Variants in NDC80 observed in about 807,000 individuals in gnomAD.
The protein encoded by NDC80 is NDC80 kinetochore complex component.
NDC80 carries 69 observed loss-of-function variants against 89.3 expected under a neutral mutation model. The observed-to-expected ratio is 0.77, with a 90% CI of 0.64 to 0.94. The LOEUF (loss-of-function observed/expected upper bound fraction) is 0.94. NDC80 is among the 40% of genes least tolerant of loss of function. The pLI is 0.00. For synonymous variants in NDC80, 243 were observed against 255.6 expected (o/e 0.95, Z 0.47); for missense variants, 593 against 739.6 (o/e 0.80, Z 2.30).
chr18:2,579,033 T>C lies in NDC80; in HGVS notation c.579+4T>C. 1 of 1,499,428 alleles carries C rather than the reference T, an allele frequency of 6.7e-7. No homozygotes were observed. The highest frequency in any genetic ancestry group is 1.3e-5 in the South Asian group (1 of 74,368). The allele number at this position is 1,499,428 out of a possible 1,614,324, so 92.9% of individuals were successfully genotyped here. ...TTGGCTAATAGACTGCATCAAGGTA[T>C]TTGATTTGTTCTTTTGAAATGTATA... On this transcript the variant is annotated splice_donor_region_variant and intron_variant, in intron 6 of 16. Coordinates refer to ENST00000261597, the MANE Select transcript of NDC80 (RefSeq NM_006101.3).
In NDC80 at chr18:2,616,527, GA is replaced by G. The variant is rs2072784537; in HGVS notation, c.1883del (p.Asp628ValfsTer9). 1 of 1,488,596 alleles carries G rather than the reference GA, an allele frequency of 6.7e-7. No individual in the cohort carries two copies. The highest frequency in any genetic ancestry group is 2.3e-5 in the East Asian group (1 of 42,772). The allele number at this position is 1,488,596 out of a possible 1,614,324, so 92.2% of individuals were successfully genotyped here. A position where few individuals can be genotyped will look rare whatever the true frequency, so the allele number is the denominator to read the frequency against. ...DLSENIKEIR[D>X]KYEKKATLIK... ...CTCGGAAAATATTAAAGAGATTAGA[GA>G]TAAGTATGAGAAGAAAGCTACTCTA... is the stretch of plus-strand genomic sequence containing the variant. On this transcript the variant is annotated frameshift_variant, in exon 17 of 17. Coordinates refer to ENST00000261597, the MANE Select transcript of NDC80 (RefSeq NM_006101.3). LOFTEE classifies it high-confidence loss of function.
chr18:2,616,165 C>T (rs2072782747), intron 16 of NDC80, among the ~76,000 whole-genome samples: 1 of 152,034 alleles, frequency 6.6e-6, no homozygotes, highest in African/African-American at 2.4e-5. Flanking sequence ...GTTGGAATTA[C>T]AGGCACACAC....
Position 2,614,554 on chromosome 18 carries a change from A to C in NDC80, c.1792-1883A>C, listed in dbSNP as rs1393384392. 4.1e-4 allele frequency: 2 copies of C among 4,916 alleles called. 1 individual carries two copies. The highest frequency in any genetic ancestry group is 6.4e-4 in the Non-Finnish European group (2 of 3,130). 0.3% of individuals were successfully genotyped at this position (4,916 alleles called of 1,614,324 possible). A position where few individuals can be genotyped will look rare whatever the true frequency, so the allele number is the denominator to read the frequency against. On this transcript the variant is annotated intron_variant, in intron 16 of 16. Transcript: ENST00000261597. The stretch of plus-strand genomic sequence containing the variant: ...AAGGAAGGAAGGAAGGAAGGAAGGA[A>C]GGAAGGAAGGGAAAGAAAGAAAGAA...
chr18:2,589,930 A>C (rs8097280), intron 9 of NDC80, 88 bp from the exon 10 acceptor site: 40,118 of 959,462 alleles, frequency 0.042, 1,280 homozygotes, highest in African/African-American at 0.14. Context: ...CTTTCTCTAA[A>C]ATAAATTTAA....
chr18:2,588,145 G>A (rs1598366958), intron 8 of NDC80, among the ~76,000 whole-genome samples: 2 of 152,100 alleles, frequency 1.3e-5, no homozygotes, highest in Admixed American at 6.5e-5. Flanking sequence ...TACTGTCTGT[G>A]GCGCCTTAAT....
chr18:2,610,478 A>G (rs1416457121), intron 15 of NDC80, among the ~76,000 whole-genome samples: 1 of 152,210 alleles, frequency 6.6e-6, no homozygotes, highest in African/African-American at 2.4e-5. Context: ...ATTTGAGTTT[A>G]CAATCCCTTT....
At chr18:2,597,655 C>T (rs940106153) in intron 11 of NDC80, among the ~76,000 whole-genome samples, 2 of 151,834 alleles carry the variant, frequency 1.3e-5, no homozygotes, top group Admixed American at 6.6e-5. Context: ...CGCTTGAACC[C>T]GGAGGCGGAA....
chr18:2,577,215 CTTTT>C (rs11326622), intron 3 of NDC80: 4 of 120,616 alleles, frequency 3.3e-5, no homozygotes, highest in Non-Finnish European at 5.3e-5. Context: ...ACTGTCTGCG[CTTTT>C]TTTTTTTTTT....
In NDC80 at chr18:2,599,186, C is replaced by A; in HGVS notation, c.1374+15C>A. 1 of 1,589,470 alleles carries A rather than the reference C, an allele frequency of 6.3e-7. No individual in the cohort carries two copies. Among genetic ancestry groups the A allele is most frequent in the South Asian group, 1.2e-5 (1 of 86,548 alleles). On this transcript the variant is annotated intron_variant, in intron 12 of 16. Coordinates refer to ENST00000261597, the MANE Select transcript of NDC80 (RefSeq NM_006101.3). ...CTCAAGTTTATGTAAGTAATCATGA[C>A]TACTTTTAAGATTTTTTTAATTCTG...
At chr18:2,597,803 G>A (rs536714699) in intron 11 of NDC80, among the ~76,000 whole-genome samples, 2 of 152,268 alleles carry the variant, frequency 1.3e-5, no homozygotes, top group African/African-American at 2.4e-5. Flanking sequence ...TAGAGGTAGA[G>A]CGAATGAAAC....
intron 10 of NDC80, among the ~76,000 whole-genome samples, chr18:2,591,981 C>T (rs2072630145): frequency 1.3e-5 from 2 of 152,110 alleles, no homozygotes; most frequent in East Asian, 1.9e-4. Context: ...GTCTCAAACT[C>T]CTGACCTCGT....
At chr18:2,588,032 G>C in intron 8 of NDC80, 109 bp downstream of exon 8, 1 of 727,006 alleles carries the variant, frequency 1.4e-6, no homozygotes, top group African/African-American at 1.8e-5. Flanking sequence ...TACTTTAAAT[G>C]TATCTGGATG....
chr18:2,589,396 T>A (rs979025167), intron 9 of NDC80, 86 bp downstream of exon 9: 1 of 898,622 alleles, frequency 1.1e-6, no homozygotes, highest in South Asian at 1.5e-5. Flanking sequence ...ATCAAAATTT[T>A]AAAAAATAGA....
intron 2 of NDC80, among the ~76,000 whole-genome samples, chr18:2,573,496 G>A (rs569822911): frequency 6.6e-6 from 1 of 152,272 alleles, no homozygotes; most frequent in South Asian, 2.1e-4. Flanking sequence ...GTATAATATA[G>A]TAGCAGCCTA....
intron 11 of NDC80, among the ~76,000 whole-genome samples, chr18:2,598,062 T>C (rs2072666412): frequency 6.6e-6 from 1 of 151,194 alleles, no homozygotes; most frequent in Admixed American, 6.6e-5. Context: ...TAGCCAACAT[T>C]TAATGTATAA....
intron 13 of NDC80, among the ~76,000 whole-genome samples, 181 bp from the exon 14 acceptor site, chr18:2,606,234 T>C (rs1416476574): frequency 6.6e-6 from 1 of 151,962 alleles, no homozygotes; most frequent in Admixed American, 6.5e-5. Flanking sequence ...GAGGTTTCTT[T>C]GAAATTAATT....
At chr18:2,573,934 C>T (rs563734338) in intron 2 of NDC80, among the ~76,000 whole-genome samples, 115 of 146,570 alleles carry the variant, frequency 7.8e-4, no homozygotes, top group African/African-American at 2.6e-3. Flanking sequence ...TAATACAGAG[C>T]AGGCTCTAAA....
In NDC80 at chr18:2,595,528, G is replaced by A. The variant is rs191627383; in HGVS notation, c.1128G>A (p.Leu376=). 60 of 1,613,878 alleles carry A rather than the reference G, an allele frequency of 3.7e-5. 1 individual carries two copies. The Admixed American group carries it at 9.3e-4, about 25-fold the overall frequency. The stretch of plus-strand genomic sequence containing the variant: ...GAATAAATCATGAAAGAAATGAATT[G>A]CAGCAGACTATTAATAAATTAACCA... ...IERINHERNE[L]QQTINKLTKD... Residue 376 remains leucine (L), a synonymous_variant, in exon 11 of 17, where the codon TTG becomes TTA. Transcript: ENST00000261597.
intron 2 of NDC80, among the ~76,000 whole-genome samples, chr18:2,573,953 A>T (rs543514196): frequency 6.6e-6 from 1 of 152,210 alleles, no homozygotes; most frequent in East Asian, 1.9e-4. Context: ...AAAAAAAAAA[A>T]TGTAAATGTG....
Sources: gnomAD v4.1 joint callset for allele counts (sites outside exome capture counted in the v4.1 genomes callset) on GRCh38, gnomAD v4.1.1 for gene constraint, MANE v1.5 for transcripts, NCBI Gene and HGNC (gene_info 2026-07-23, HGNC 2026-07-21) for gene names.